Variants in PFKP observed in about 807,000 individuals in gnomAD.
The protein encoded by PFKP is phosphofructokinase, platelet, also known as ATP-dependent 6-phosphofructokinase, platelet type.
A neutral mutation model predicts 94.3 loss-of-function variants in PFKP; 101 were observed. That is an observed-to-expected ratio of 1.07 (90% confidence interval 0.91 to 1.26). The LOEUF is 1.26. Ranked by LOEUF, PFKP falls within the 50% of genes most tolerant of loss-of-function variation. PFKP has a pLI of 0.00. For missense variants in PFKP, 1,145 were observed against 1,103.3 expected, an observed-to-expected ratio of 1.04 and a Z score of -0.53; for synonymous variants, 573 against 432.6, an observed-to-expected ratio of 1.32 and a Z score of -4.03.
chr10:3,101,561 G>A lies in PFKP; in HGVS notation c.454+7G>A. On this transcript the variant is annotated splice_region_variant and intron_variant, in intron 4 of 21. Transcript: ENST00000381125. Reference sequence around the variant, plus strand: ...GAGGAGCTGGCCAGGAACGGTGAGTGGACACCTGCTCCTCTGTCCTGCGGG... The same window carrying A: ...GAGGAGCTGGCCAGGAACGGTGAGTAGACACCTGCTCCTCTGTCCTGCGGG... 6.6e-7 allele frequency: 1 copy of A among 1,519,898 alleles called. No homozygotes were observed. Among genetic ancestry groups the A allele is most frequent in the Non-Finnish European group, 8.8e-7 (1 of 1,132,598 alleles). 94.2% of individuals were successfully genotyped at this position (1,519,898 alleles called of 1,614,324 possible).
chr10:3,100,793 GAAGTTT>G, intron 3 of PFKP: 1 of 587,774 alleles, frequency 1.7e-6, no homozygotes, highest in East Asian at 2.7e-5. Context: ...ATGTCCCCTG[GAAGTTT>G]GGATGAAAGA....
intron 6 of PFKP, 98 bp downstream of exon 6, chr10:3,105,257 G>A: frequency 3.6e-6 from 5 of 1,369,968 alleles, no homozygotes; most frequent in Non-Finnish European, 5.2e-6. Context: ...TGCTCCCGTG[G>A]AAAGTCCTGA....
At chr10:3,079,625 G>A (rs1475018534) in intron 1 of PFKP, among the ~76,000 whole-genome samples, 1 of 139,564 alleles carries the variant, frequency 7.2e-6, no homozygotes, top group Non-Finnish European at 1.5e-5. Flanking sequence ...ATTCCTTTAT[G>A]AAAGACCGGT....
rs1011161935 is a variant in PFKP at position 3,103,724 on chromosome 10, C to T, written c.455-55C>T. On this transcript the variant is annotated intron_variant, in intron 4 of 21. Transcript: ENST00000381125. ...TTCTGCCTCACCCCTAGTGGGGCACCCCCCGAACGCGCCATGGTTACGGCG... is the reference window on the plus strand; with the variant it reads ...TTCTGCCTCACCCCTAGTGGGGCACTCCCCGAACGCGCCATGGTTACGGCG... The T allele has an allele frequency of 3.6e-5, 57 of 1,597,816 alleles. 1 individual carries two copies. The South Asian group carries it at 5.4e-4, about 15-fold the overall frequency.
chr10:3,076,215 C>A (rs537023560), intron 1 of PFKP, among the ~76,000 whole-genome samples: 1 of 152,110 alleles, frequency 6.6e-6, no homozygotes, highest in East Asian at 1.9e-4. Context: ...ACGTGGCCAG[C>A]GGCTCCTCTG....
intron 16 of PFKP, among the ~76,000 whole-genome samples, chr10:3,120,480 A>C (rs1358828849): frequency 1.3e-5 from 2 of 151,980 alleles, no homozygotes; most frequent in Non-Finnish European, 2.9e-5. Flanking sequence ...AATTGAACTG[A>C]ATATTTTATA....
intron 19 of PFKP, 32 bp from the exon 20 acceptor site, chr10:3,134,451 C>CTG (rs1256351285): frequency 1.7e-6 from 2 of 1,210,494 alleles, no homozygotes; most frequent in Non-Finnish European, 2.5e-6. Flanking sequence ...TACTGTATAA[C>CTG]TGGTATTTCA....
intron 16 of PFKP, 148 bp downstream of exon 16, chr10:3,120,192 T>G: frequency 1.4e-6 from 1 of 710,884 alleles, no homozygotes; most frequent in Non-Finnish European, 2.3e-6. Flanking sequence ...CAGAAAAGTA[T>G]GTTTTAAGAC....
Position 3,105,410 on chromosome 10 carries a change from G to C in PFKP, c.683G>C (p.Ser228Thr). The stretch of plus-strand genomic sequence containing the variant: ...CCACATAGGTACCTGGCCCTGGTGA[G>C]TGCCTTGGCCTGCGGTGCGGACTGG... ...GRHCGYLALV[S>T]ALACGADWVF... is the part of the protein sequence containing the mutation. Residue 228 changes from serine (S) to threonine (T), a missense_variant, in exon 7 of 22, where the codon AGT becomes ACT. This residue lies in a region of PFKP where 1,119 missense variants were observed against 1,062.8 expected (regional missense o/e 1.05). Transcript: ENST00000381125. 1 of 1,613,942 alleles carries C rather than the reference G, an allele frequency of 6.2e-7. No individual in the cohort carries two copies. The highest frequency in any genetic ancestry group is 8.5e-7 in the Non-Finnish European group (1 of 1,179,868).
intron 14 of PFKP, among the ~76,000 whole-genome samples, chr10:3,118,463 T>A (rs572051084): frequency 7.0e-6 from 1 of 142,142 alleles, no homozygotes; most frequent in African/African-American, 2.8e-5. Context: ...TGAGACTCCA[T>A]CTTGGAAAAA....
intron 10 of PFKP, 92 bp downstream of exon 10, chr10:3,109,572 C>T (rs533555298): frequency 8.9e-6 from 13 of 1,465,908 alleles, no homozygotes; most frequent in East Asian, 2.4e-5. Flanking sequence ...GGTGTCTCGT[C>T]GGTGCACGAT....
At chr10:3,095,085 A>T (rs1242103257) in intron 2 of PFKP, among the ~76,000 whole-genome samples, 2 of 152,196 alleles carry the variant, frequency 1.3e-5, no homozygotes, top group Admixed American at 1.3e-4. Context: ...ATCAGATTGG[A>T]AAAAAGCATT....
At chr10:3,131,905 A>G (rs1466105409) in intron 17 of PFKP, among the ~76,000 whole-genome samples, 1 of 152,200 alleles carries the variant, frequency 6.6e-6, no homozygotes, top group Non-Finnish European at 1.5e-5. Flanking sequence ...TTCTTACTCT[A>G]AGACCATCTT....
At position 3,109,376 on chromosome 10, in the gene PFKP, G is replaced by A; in HGVS notation, c.985G>A (p.Ala329Thr). Residue 329 changes from alanine to threonine, a missense_variant, in exon 10 of 22, where the codon GCA becomes ACA. Physicochemically the swap from Ala to Thr is moderately conservative, Grantham distance 58 (BLOSUM62 0). Around this residue, in one of 3 missense-constraint regions of PFKP, gnomAD observed 1,119 missense variants for 1,062.8 expected, o/e 1.05. Coordinates refer to ENST00000381125, the MANE Select transcript of PFKP (RefSeq NM_002627.5). The part of the protein sequence containing the change: ...RILASRMGVE[A>T]VIALLEATPD... ...CCAGGCCAGCCGCATGGGAGTGGAG[G>A]CAGTCATCGCCTTGCTAGAGGCCAC... 1 of 1,610,472 alleles carries A rather than the reference G, an allele frequency of 6.2e-7. No homozygotes were observed. The highest frequency in any genetic ancestry group is 8.5e-7 in the Non-Finnish European group (1 of 1,180,014).
chr10:3,135,839 G>A lies in PFKP; in HGVS notation c.2225+1G>A. The A allele has an allele frequency of 6.2e-7, 1 of 1,600,626 alleles. No homozygotes were observed. On this transcript the variant is annotated splice_donor_variant, in intron 21 of 21. Coordinates refer to ENST00000381125, the MANE Select transcript of PFKP (RefSeq NM_002627.5). LOFTEE classifies it high-confidence loss of function. Reference sequence around the variant, plus strand: ...AGCTGAAGAAGCAAACGGATTTTGAGTAAGTTGGCTGGGTTCCCTGAGGCA... The same window carrying A: ...AGCTGAAGAAGCAAACGGATTTTGAATAAGTTGGCTGGGTTCCCTGAGGCA...
At chr10:3,132,317 C>T (rs1838686069) in intron 17 of PFKP, 63 bp from the exon 18 acceptor site, 2 of 1,224,826 alleles carry the variant, frequency 1.6e-6, no homozygotes, top group African/African-American at 1.5e-5. Context: ...GCCTGCAGTG[C>T]CTGGCACACA....
chr10:3,091,575 G>A (rs550148295), intron 2 of PFKP, among the ~76,000 whole-genome samples: 2 of 152,126 alleles, frequency 1.3e-5, no homozygotes, highest in Non-Finnish European at 2.9e-5. Flanking sequence ...AGTACTTTGG[G>A]AGGCTGAGGC....
At chr10:3,105,953 A>AT (rs1835500219) in intron 7 of PFKP, among the ~76,000 whole-genome samples, 1 of 152,230 alleles carries the variant, frequency 6.6e-6, no homozygotes, top group Non-Finnish European at 1.5e-5. Flanking sequence ...TGCCGTGAGC[A>AT]TAGGAAGGAC....
chr10:3,101,418 C>T lies in PFKP; in HGVS notation c.318C>T (p.Gly106=). The T allele has an allele frequency of 6.2e-7, 1 of 1,606,052 alleles. No individual in the cohort carries two copies. The change falls in exon 4 of 22, where the codon GGC becomes GGT. Residue 106 remains glycine (G), a synonymous_variant. Coordinates refer to ENST00000381125, the MANE Select transcript of PFKP (RefSeq NM_002627.5). ...ARCQAFRTRE[G]RLKAACNLLQ... ...GCCAGGCCTTCCGCACGCGGGAAGG[C>T]CGCCTGAAGGCTGCTTGCAACCTGC...
Sources: gnomAD v4.1 joint callset for allele counts (sites outside exome capture counted in the v4.1 genomes callset) on GRCh38, gnomAD v4.1.1 for gene constraint, gnomAD v4.1.1 regional missense constraint, MANE v1.5 for transcripts, NCBI Gene and HGNC (gene_info 2026-07-23, HGNC 2026-07-21) for gene names.